The following SEPTIN10 variants were observed in gnomAD, a reference collection of about 807,000 sequenced individuals.
The protein encoded by SEPTIN10 is septin 10.
In SEPTIN10, 66 loss-of-function variants were observed where a neutral mutation model predicts 54.8. The ratio of observed to expected loss-of-function variants is 1.21; its 90% CI spans 0.99 to 1.48. The LOEUF is 1.48. Ranked by LOEUF, SEPTIN10 falls within the 40% of genes most tolerant of loss-of-function variation. The pLI, the probability that SEPTIN10 is intolerant of heterozygous loss-of-function variation, is 0.00. For missense variants in SEPTIN10, 620 were observed against 545.6 expected, an observed-to-expected ratio of 1.14 and a Z score of -1.36; for synonymous variants, 161 against 181.0, an observed-to-expected ratio of 0.89 and a Z score of 0.89.
At chr2:109,582,731 A>G (rs962463375) in intron 4 of SEPTIN10, among the ~76,000 whole-genome samples, 8 of 152,256 alleles carry the variant, frequency 5.3e-5, no homozygotes, top group African/African-American at 1.9e-4. Context: ...AGCAATACTA[A>G]GCAAAAGAAC....
chr2:109,550,916 T>C (rs1241058909), intron 9 of SEPTIN10, among the ~76,000 whole-genome samples: 1 of 152,216 alleles, frequency 6.6e-6, no homozygotes, highest in African/African-American at 2.4e-5. Flanking sequence ...GGGGCATAAA[T>C]GTTAAATGAA....
chr2:109,567,461 T>C (rs1289763279), intron 6 of SEPTIN10, among the ~76,000 whole-genome samples: 9 of 152,284 alleles, frequency 5.9e-5, no homozygotes, highest in Middle Eastern at 3.4e-3. Flanking sequence ...TTTTACAGCA[T>C]GCAAAGGGAG....
chr2:109,545,451 C>T (rs1198093612), intron 10 of SEPTIN10: 1 of 1,536,112 alleles, frequency 6.5e-7, no homozygotes, highest in African/African-American at 1.4e-5. Flanking sequence ...GCACTGTGGC[C>T]CTCTCTACCT....
intron 10 of SEPTIN10, chr2:109,545,735 G>A (rs6735752): frequency 0.25 from 352,713 of 1,431,098 alleles, 47,157 homozygotes; most frequent in Non-Finnish European, 0.27. Context: ...CTAGGGCCAC[G>A]GCTGGGCTAT....
chr2:109,544,509 A>G, intron 10 of SEPTIN10, 185 bp from the exon 11 acceptor site: 4 of 985,372 alleles, frequency 4.1e-6, no homozygotes, highest in Non-Finnish European at 4.8e-6. Context: ...CTCAAAAAAT[A>G]TGGGCTTGGT....
At chr2:109,564,325 T>A (rs1278457344) in intron 8 of SEPTIN10, 41 bp downstream of exon 8, 1 of 1,475,246 alleles carries the variant, frequency 6.8e-7, no homozygotes, top group African/African-American at 1.4e-5. Context: ...CAATCCTCTC[T>A]AACTTCCTCT....
intron 1 of SEPTIN10, chr2:109,594,754 CAT>C (rs1491005670): frequency 2.6e-5 from 4 of 152,222 alleles, no homozygotes; most frequent in African/African-American, 7.2e-5. Flanking sequence ...CACACACACA[CAT>C]ACACAGTGAA....
At chr2:109,593,905 T>C (rs1694678752) in intron 1 of SEPTIN10, among the ~76,000 whole-genome samples, 1 of 152,236 alleles carries the variant, frequency 6.6e-6, no homozygotes, top group South Asian at 2.1e-4. Flanking sequence ...TCCATATCAC[T>C]ATGCTAGCTC....
chr2:109,607,235 TAC>T (rs1698200732), intron 1 of SEPTIN10, among the ~76,000 whole-genome samples: 1 of 152,200 alleles, frequency 6.6e-6, no homozygotes, highest in Non-Finnish European at 1.5e-5. Context: ...GGAGTAAGAC[TAC>T]AGTCTCCATA....
intron 9 of SEPTIN10, among the ~76,000 whole-genome samples, chr2:109,549,191 A>G (rs1326421361): frequency 6.6e-6 from 1 of 152,352 alleles, no homozygotes; most frequent in South Asian, 2.1e-4. Flanking sequence ...ACACGTGTGC[A>G]TCGGTGATGT....
At chr2:109,579,443 G>C (rs1044137430) in intron 4 of SEPTIN10, among the ~76,000 whole-genome samples, 5 of 151,024 alleles carry the variant, frequency 3.3e-5, no homozygotes, top group African/African-American at 1.2e-4. Context: ...GAGTGTAATG[G>C]CCCAATCTTG....
At chr2:109,546,258 C>T (rs1681211647) in intron 9 of SEPTIN10, 21 bp from the exon 10 acceptor site, 1 of 1,499,654 alleles carries the variant, frequency 6.7e-7, no homozygotes, top group Non-Finnish European at 8.9e-7. Flanking sequence ...AAGTGCAATC[C>T]CCACTACTGA....
At chr2:109,574,897 A>C in intron 4 of SEPTIN10, 130 bp from the exon 5 acceptor site, 1 of 526,856 alleles carries the variant, frequency 1.9e-6, no homozygotes. Flanking sequence ...TGAACAGATT[A>C]ACTTTAGTGA....
rs758887407 is a variant in SEPTIN10 at position 109,593,028 on chromosome 2, AT to A, written c.99+22del. On this transcript the variant is annotated intron_variant, in intron 2 of 10. Coordinates refer to ENST00000397712, the MANE Select transcript of SEPTIN10 (RefSeq NM_144710.5). Reference sequence around the variant, plus strand: ...AGAAGCATTTAGAGTACAATATGGTATCTATTTAAAAGACATACTCACTATC... The same window carrying A: ...AGAAGCATTTAGAGTACAATATGGTACTATTTAAAAGACATACTCACTATC... The A allele has an allele frequency of 3.3e-6, 5 of 1,498,904 alleles. No homozygotes were observed. In the South Asian group the frequency reaches 6.8e-5, roughly 20 times the overall value. The allele number at this position is 1,498,904 out of a possible 1,614,324, so 92.9% of individuals were successfully genotyped here. A position where few individuals can be genotyped will look rare whatever the true frequency, so the allele number is the denominator to read the frequency against.
intron 5 of SEPTIN10, among the ~76,000 whole-genome samples, chr2:109,570,997 T>C (rs560622432): frequency 8.5e-5 from 13 of 152,128 alleles, no homozygotes; most frequent in African/African-American, 3.1e-4. Context: ...TGGTGAGAGG[T>C]GACTGGATCA....
chr2:109,600,739 C>G (rs1368597462), intron 1 of SEPTIN10, among the ~76,000 whole-genome samples: 3 of 152,062 alleles, frequency 2.0e-5, no homozygotes, highest in Non-Finnish European at 4.4e-5. Context: ...AGGGCTAGTC[C>G]CCAAGACTCT....
chr2:109,545,368 C>CT (rs201179663), intron 10 of SEPTIN10: 20,928 of 1,503,028 alleles, frequency 0.014, 187 homozygotes, highest in Non-Finnish European at 0.016. Flanking sequence ...ACTTGGGTAA[C>CT]TGATTTTAAC....
chr2:109,611,013 A>C (rs1186759007), intron 1 of SEPTIN10, among the ~76,000 whole-genome samples: 5 of 152,178 alleles, frequency 3.3e-5, no homozygotes, highest in Non-Finnish European at 5.9e-5. Context: ...AGAACCCAGA[A>C]ACAGACTGAA....
intron 6 of SEPTIN10, among the ~76,000 whole-genome samples, chr2:109,566,148 T>C (rs1165474118): frequency 6.6e-6 from 1 of 151,720 alleles, no homozygotes; most frequent in Non-Finnish European, 1.5e-5. Context: ...TGAGACAGAG[T>C]CTTACTCTGT....
Sources: gnomAD v4.1 joint callset for allele counts (sites outside exome capture counted in the v4.1 genomes callset) on GRCh38, gnomAD v4.1.1 for gene constraint, MANE v1.5 for transcripts, NCBI Gene and HGNC (gene_info 2026-07-23, HGNC 2026-07-21) for gene names.